Variants in GALNT17 observed in about 807,000 individuals in gnomAD.
The protein encoded by GALNT17 is UDP-GalNAc:polypeptide N-acetylgalactosaminyltransferase-like 3.
GALNT17 carries 29 observed loss-of-function variants against 63.7 expected under a neutral mutation model. The observed-to-expected ratio is 0.46, with a 90% CI of 0.34 to 0.62. The LOEUF (loss-of-function observed/expected upper bound fraction) is 0.62, where lower values mean the gene tolerates loss of function less well. GALNT17 is among the 20% of genes least tolerant of loss of function. The probability of loss-of-function intolerance (pLI) is 0.01; values close to 1 mark genes in which losing one functional copy is unlikely to be tolerated. For missense variants in GALNT17, 603 were observed against 799.6 expected (o/e 0.75, Z 2.97); for synonymous variants, 305 against 318.3 (o/e 0.96, Z 0.45).
intron 5 of GALNT17, among the ~76,000 whole-genome samples, chr7:71,481,555 G>A (rs761506362): frequency 9.9e-5 from 15 of 152,226 alleles, no homozygotes; most frequent in Non-Finnish European, 2.2e-4. Flanking sequence ...TTTTCCAGTA[G>A]AGTGGACTGC....
intron 2 of GALNT17, among the ~76,000 whole-genome samples, chr7:71,364,929 T>TTTTTAATTA (rs1554360034): frequency 4.4e-5 from 3 of 67,482 alleles, no homozygotes; most frequent in East Asian, 1.9e-3. Context: ...TTTAATACTT[T>TTTTTAATTA]TTTTTATTAT....
chr7:71,615,319 T>C (rs929593591), intron 6 of GALNT17, among the ~76,000 whole-genome samples: 15 of 152,036 alleles, frequency 9.9e-5, no homozygotes, highest in Non-Finnish European at 2.1e-4. Context: ...CCAGGCTGAG[T>C]CACTTATGTC....
At chr7:71,581,619 G>A (rs951337283) in intron 6 of GALNT17, among the ~76,000 whole-genome samples, 4 of 152,170 alleles carry the variant, frequency 2.6e-5, no homozygotes, top group Non-Finnish European at 5.9e-5. Context: ...TGGGTGGGGA[G>A]ACAGAGGCAA....
rs182929315 is a variant in GALNT17, at chr7:71,416,764, A to G, written c.764+701A>G. On this transcript the variant is annotated intron_variant, in intron 4 of 10. Transcript: ENST00000333538. The stretch of plus-strand genomic sequence containing the variant: ...AGGATGGTTGTCTGTCATTGTGAGA[A>G]AAGAGATATAGTTATAATTCTAACT... 2.5e-4 allele frequency among the ~76,000 whole-genome samples: 38 copies of G among 152,306 alleles called. 4 individuals are homozygous for G. The East Asian group carries it at 2.9e-3, about 12-fold the overall frequency.
chr7:71,218,705 A>C (rs1216180757), intron 1 of GALNT17, among the ~76,000 whole-genome samples: 1 of 151,942 alleles, frequency 6.6e-6, no homozygotes. Context: ...ACCTCCTGTC[A>C]GGCCAGTAGC....
chr7:71,348,662 A>G (rs777244811), intron 2 of GALNT17, among the ~76,000 whole-genome samples: 38 of 152,218 alleles, frequency 2.5e-4, no homozygotes, highest in Non-Finnish European at 4.1e-4. Flanking sequence ...ATTAGTTTGA[A>G]TCAAACCAAT....
At chr7:71,570,875 G>C (rs1789429162) in intron 5 of GALNT17, among the ~76,000 whole-genome samples, 1 of 152,112 alleles carries the variant, frequency 6.6e-6, no homozygotes, top group Non-Finnish European at 1.5e-5. Context: ...CTACTCAGGG[G>C]GTTGAGGCAG....
chr7:71,614,534 T>G (rs1367443064), intron 6 of GALNT17, among the ~76,000 whole-genome samples: 19 of 151,822 alleles, frequency 1.3e-4, no homozygotes, highest in Admixed American at 1.2e-3. Context: ...GATGGAAGAT[T>G]GCTTGAGCCC....
At chr7:71,648,374 A>G (rs1407400372) in intron 6 of GALNT17, among the ~76,000 whole-genome samples, 1 of 151,696 alleles carries the variant, frequency 6.6e-6, no homozygotes, top group South Asian at 2.1e-4. Flanking sequence ...GGGATCAAAC[A>G]ATTCTCCCGC....
chr7:71,516,352 C>G (rs966160745), intron 5 of GALNT17, among the ~76,000 whole-genome samples: 4 of 152,136 alleles, frequency 2.6e-5, no homozygotes, highest in Non-Finnish European at 4.4e-5. Context: ...TGATTAGTAG[C>G]AGACAAAGAT....
intron 1 of GALNT17, among the ~76,000 whole-genome samples, chr7:71,141,521 T>C (rs947538367): frequency 1.4e-4 from 21 of 152,146 alleles, no homozygotes; most frequent in African/African-American, 4.8e-4. Context: ...TCAAAATGTA[T>C]AGCATAAGCA....
chr7:71,468,143 G>A (rs113705685), intron 5 of GALNT17, among the ~76,000 whole-genome samples: 4,264 of 151,506 alleles, frequency 0.028, 91 homozygotes, highest in Non-Finnish European at 0.04. Context: ...TCCTCCTGCC[G>A]CAGTCTATAG....
At chr7:71,219,548 A>G (rs1336864051) in intron 1 of GALNT17, among the ~76,000 whole-genome samples, 1 of 152,034 alleles carries the variant, frequency 6.6e-6, no homozygotes, top group Non-Finnish European at 1.5e-5. Context: ...TTGATCTTCC[A>G]ACTCTTCTGG....
At chr7:71,711,874 CTCTG>C (rs1040207765) in intron 10 of GALNT17, 140 bp from the exon 11 acceptor site, 5 of 866,344 alleles carry the variant, frequency 5.8e-6, no homozygotes, top group African/African-American at 3.5e-5. Flanking sequence ...TTGCCTCTTT[CTCTG>C]TCTCTCTCTT....
intron 1 of GALNT17, among the ~76,000 whole-genome samples, chr7:71,324,750 T>C (rs906726259): frequency 1.7e-4 from 16 of 95,682 alleles, no homozygotes; most frequent in African/African-American, 7.6e-4. Flanking sequence ...TAAAAATATA[T>C]GCGTGCGTGT....
At chr7:71,482,413 G>GT (rs1342671411) in intron 5 of GALNT17, among the ~76,000 whole-genome samples, 2 of 152,294 alleles carry the variant, frequency 1.3e-5, no homozygotes, top group African/African-American at 4.8e-5. Context: ...GCCTCACAAA[G>GT]TACTGGGATT....
chr7:71,246,247 A>G (rs1205094787), intron 1 of GALNT17, among the ~76,000 whole-genome samples: 2 of 148,686 alleles, frequency 1.3e-5, no homozygotes, highest in Non-Finnish European at 3.0e-5. Context: ...TCAGCCTCCT[A>G]AGTAGCTGGG....
At chr7:71,552,462 A>G (rs1223111140) in intron 5 of GALNT17, among the ~76,000 whole-genome samples, 1 of 141,074 alleles carries the variant, frequency 7.1e-6, no homozygotes, top group Non-Finnish European at 1.5e-5. Context: ...TTTTTTTGAG[A>G]TGGAGTCTCA....
chr7:71,448,536 TTCTGC>T (rs1358383397), intron 5 of GALNT17, among the ~76,000 whole-genome samples: 1 of 152,174 alleles, frequency 6.6e-6, no homozygotes, highest in Non-Finnish European at 1.5e-5. Flanking sequence ...AATTTTCTGT[TTCTGC>T]TTTTACATTT....
Sources: gnomAD v4.1 joint callset for allele counts (sites outside exome capture counted in the v4.1 genomes callset) on GRCh38, gnomAD v4.1.1 for gene constraint, MANE v1.5 for transcripts, NCBI Gene and HGNC (gene_info 2026-07-23, HGNC 2026-07-21) for gene names.